The following ARB2A variants were observed in gnomAD, a reference collection of about 807,000 sequenced individuals.
The protein encoded by ARB2A is ARB2 cotranscriptional regulator A, also known as cotranscriptional regulator ARB2A.
chr5:93,817,977 C>G, the ARB2A span, among the ~76,000 whole-genome samples: 6 of 151,750 alleles, frequency 4.0e-5, no homozygotes, highest in African/African-American at 1.2e-4. Context: ...TATATAAAGA[C>G]CTATGAAAAA....
chr5:94,066,540 G>T, the ARB2A span, among the ~76,000 whole-genome samples: 36 of 150,492 alleles, frequency 2.4e-4, no homozygotes, highest in African/African-American at 8.8e-4. Flanking sequence ...AATAGAAAAG[G>T]TCATAACAGA....
chr5:93,729,219 T>C, the ARB2A span, among the ~76,000 whole-genome samples: 2 of 152,086 alleles, frequency 1.3e-5, no homozygotes, highest in Non-Finnish European at 2.9e-5. Flanking sequence ...CTTTGCTCCT[T>C]TCTTTGTGTT....
the ARB2A span, among the ~76,000 whole-genome samples, chr5:93,637,751 C>G: frequency 6.6e-6 from 1 of 152,184 alleles, no homozygotes; most frequent in Admixed American, 6.5e-5. Flanking sequence ...ATAATTTTGT[C>G]TATATCCACT....
chr5:93,898,824 C>A, the ARB2A span, among the ~76,000 whole-genome samples: 1 of 152,060 alleles, frequency 6.6e-6, no homozygotes, highest in Non-Finnish European at 1.5e-5. Context: ...ATAACAATAG[C>A]TAGCACTTAC....
the ARB2A span, among the ~76,000 whole-genome samples, chr5:93,688,995 A>C: frequency 6.6e-6 from 1 of 152,168 alleles, no homozygotes; most frequent in African/African-American, 2.4e-5. Flanking sequence ...ATTCAAATCT[A>C]ATCATATTAT....
the ARB2A span, among the ~76,000 whole-genome samples, chr5:94,093,190 TA>T: frequency 6.6e-6 from 1 of 152,104 alleles, no homozygotes. Flanking sequence ...GACTCAACTT[TA>T]AAAGTAATAT....
chr5:93,927,412 A>AACTGCTGTTTGTGGCT, the ARB2A span, among the ~76,000 whole-genome samples: 12 of 152,244 alleles, frequency 7.9e-5, no homozygotes, highest in African/African-American at 2.9e-4. Flanking sequence ...GTGATTGATG[A>AACTGCTGTTTGTGGCT]ACTGCTGTTT....
At chr5:93,969,772 C>T in the ARB2A span, among the ~76,000 whole-genome samples, 26 of 152,110 alleles carry the variant, frequency 1.7e-4, no homozygotes, top group Admixed American at 1.4e-3. Context: ...TATCATGTTC[C>T]TCATTCATCT....
At chr5:93,948,184 G>A in the ARB2A span, among the ~76,000 whole-genome samples, 1 of 152,144 alleles carries the variant, frequency 6.6e-6, no homozygotes, top group Non-Finnish European at 1.5e-5. Context: ...GTTGTTTCCT[G>A]ACTTTTTAAT....
At chr5:94,111,660 C>A in the ARB2A span, 2 of 152,286 alleles carry the variant, frequency 1.3e-5, no homozygotes, top group Admixed American at 6.5e-5. Flanking sequence ...CTTCCGGGGT[C>A]TTCAGGAGAT....
the ARB2A span, among the ~76,000 whole-genome samples, chr5:93,968,538 T>A: frequency 6.6e-6 from 1 of 151,634 alleles, no homozygotes; most frequent in Non-Finnish European, 1.5e-5. Context: ...AAAACAAGAA[T>A]GAAAAGACAA....
chr5:93,715,240 C>T, the ARB2A span, among the ~76,000 whole-genome samples: 3 of 152,092 alleles, frequency 2.0e-5, no homozygotes, highest in East Asian at 1.9e-4. Context: ...AAAAGTAGTA[C>T]GTGAGTATTT....
the ARB2A span, among the ~76,000 whole-genome samples, chr5:94,070,393 G>A: frequency 1.3e-4 from 20 of 152,134 alleles, no homozygotes; most frequent in African/African-American, 4.8e-4. Context: ...CATACAGTTA[G>A]ATAGAAGGGA....
chr5:93,979,765 C>G, the ARB2A span, among the ~76,000 whole-genome samples: 1 of 151,738 alleles, frequency 6.6e-6, no homozygotes, highest in Non-Finnish European at 1.5e-5. Context: ...TTCTATGTTT[C>G]TTTCTTTCTC....
the ARB2A span, among the ~76,000 whole-genome samples, chr5:93,980,565 T>C: frequency 6.6e-6 from 1 of 152,298 alleles, no homozygotes; most frequent in Non-Finnish European, 1.5e-5. Context: ...TATTAATACA[T>C]GCTAAACATT....
At chr5:93,805,601 C>T in the ARB2A span, 2 of 985,156 alleles carry the variant, frequency 2.0e-6, no homozygotes, top group Non-Finnish European at 2.4e-6. Context: ...TCCTTTATTT[C>T]TCACCAACTA....
chr5:94,006,740 T>G, the ARB2A span, among the ~76,000 whole-genome samples: 1 of 152,312 alleles, frequency 6.6e-6, no homozygotes, highest in Admixed American at 6.5e-5. Flanking sequence ...TGTGAGCTAA[T>G]AGAGGAGTAT....
chr5:93,771,400 G>A, the ARB2A span, among the ~76,000 whole-genome samples: 1 of 151,278 alleles, frequency 6.6e-6, no homozygotes, highest in African/African-American at 2.4e-5. Flanking sequence ...CATGGGCAAG[G>A]ACTTCATGTC....
chr5:94,060,456 C>T, the ARB2A span, among the ~76,000 whole-genome samples: 46 of 152,224 alleles, frequency 3.0e-4, no homozygotes, highest in Admixed American at 2.1e-3. Context: ...ACTACTAAAA[C>T]TCATCCTATA....
Sources: allele counts gnomAD v4.1 joint callset (sites outside exome capture counted in the v4.1 genomes callset), GRCh38; gene constraint gnomAD v4.1.1; transcripts MANE v1.5; gene names NCBI Gene and HGNC (gene_info 2026-07-23, HGNC 2026-07-21).